Variants in CBR4 observed in about 807,000 individuals in gnomAD.
The protein encoded by CBR4 is 3-oxoacyl-[acyl-carrier-protein] reductase.
Under a neutral mutation model 21.0 loss-of-function variants are expected in CBR4, and 22 were observed. That is an observed-to-expected ratio of 1.05 (90% CI 0.75 to 1.50). The LOEUF is 1.50. Ranked by LOEUF, CBR4 falls within the 40% of genes most tolerant of loss-of-function variation. The probability of loss-of-function intolerance (pLI) is 0.00; values close to 1 mark genes in which losing one functional copy is unlikely to be tolerated. For synonymous variants in CBR4, 100 were observed against 104.4 expected (o/e 0.96, Z 0.26); for missense variants, 302 against 286.3 (o/e 1.05, Z -0.40).
chr4:168,923,933 G>A (rs1351119038), intron 2 of CBR4, among the ~76,000 whole-genome samples: 1 of 152,072 alleles, frequency 6.6e-6, no homozygotes, highest in African/African-American at 2.4e-5. Context: ...ATAATCACTA[G>A]TAGTGAAGCC....
At chr4:168,979,806 A>G (rs1764487678) in intron 2 of CBR4, among the ~76,000 whole-genome samples, 1 of 152,220 alleles carries the variant, frequency 6.6e-6, no homozygotes, top group Non-Finnish European at 1.5e-5. Context: ...GAGCTCCCAC[A>G]GGCAACTGAC....
intron 2 of CBR4, among the ~76,000 whole-genome samples, chr4:168,951,278 C>T (rs1280680911): frequency 7.9e-5 from 12 of 152,096 alleles, no homozygotes; most frequent in Non-Finnish European, 1.2e-4. Context: ...ACAATGGTCT[C>T]GATCTCTTGA....
At chr4:168,942,229 G>A (rs1025868698) in intron 2 of CBR4, among the ~76,000 whole-genome samples, 20 of 151,632 alleles carry the variant, frequency 1.3e-4, no homozygotes, top group African/African-American at 4.6e-4. Flanking sequence ...ACCAGGGCCT[G>A]TTGGGGGGTG....
chr4:168,926,368 G>GA, intron 2 of CBR4: 1 of 1,537,058 alleles, frequency 6.5e-7, no homozygotes, highest in Non-Finnish European at 8.7e-7. Flanking sequence ...TGCCTTGGTA[G>GA]AAAGTGAGGA....
intron 2 of CBR4, among the ~76,000 whole-genome samples, chr4:168,968,172 C>A (rs1405594554): frequency 6.6e-6 from 1 of 152,160 alleles, no homozygotes; most frequent in Non-Finnish European, 1.5e-5. Flanking sequence ...ACCAAACTGC[C>A]CTTTTTTATG....
Position 168,933,232 on chromosome 4 carries a change from A to T in CBR4, n.170-38467T>A, listed in dbSNP as rs530528440. Among the ~76,000 whole-genome samples, 8 of 152,306 alleles carry T rather than the reference A, an allele frequency of 5.3e-5. No individual in the cohort carries two copies. The East Asian group carries it at 5.8e-4, about 11-fold the overall frequency. ...AAAGACGTTGAATGAATGAATGAAT[A>T]AAAAAACCATGCAACTATATGCTGC... is the stretch of plus-strand genomic sequence containing the variant. On this transcript the variant is annotated intron_variant and non_coding_transcript_variant, in intron 2 of 3. Coordinates refer to the CBR4 transcript ENST00000509108.
At chr4:169,006,363 A>C (rs970466508) in intron 3 of CBR4, among the ~76,000 whole-genome samples, 5 of 152,142 alleles carry the variant, frequency 3.3e-5, no homozygotes, top group Non-Finnish European at 7.3e-5. Context: ...TTCACATAAA[A>C]ATCAGAATGA....
chr4:168,968,340 A>G (rs1017775327), intron 2 of CBR4, among the ~76,000 whole-genome samples: 2 of 152,246 alleles, frequency 1.3e-5, no homozygotes, highest in Non-Finnish European at 1.5e-5. Flanking sequence ...TATCATCAGT[A>G]GAGTGGATCA....
Position 168,988,517 on chromosome 4 carries a change from G to C in CBR4, c.*1633C>G. 1.0e-6 allele frequency: 1 copy of C among 985,342 alleles called. No individual in the cohort carries two copies. The highest frequency in any genetic ancestry group is 1.2e-6 in the Non-Finnish European group (1 of 829,914). 61.0% of individuals were successfully genotyped at this position (985,342 alleles called of 1,614,324 possible). A position where few individuals can be genotyped will look rare whatever the true frequency, so the allele number is the denominator to read the frequency against. ...TACAGGTAGCCAAAGGCCAGCAATT[G>C]AGACAGCATTAGAGAAACTATCTAC... On this transcript the variant is annotated 3_prime_UTR_variant, in exon 5 of 5. Coordinates refer to ENST00000306193, the MANE Select transcript of CBR4 (RefSeq NM_032783.5).
chr4:168,949,175 T>C (rs1763473433), intron 2 of CBR4, among the ~76,000 whole-genome samples: 1 of 152,202 alleles, frequency 6.6e-6, no homozygotes, highest in Non-Finnish European at 1.5e-5. Context: ...TTGGTTGTTT[T>C]TGGTGTGTAG....
downstream of CBR4, among the ~76,000 whole-genome samples, chr4:168,985,422 C>T (rs749618218): frequency 3.3e-5 from 5 of 152,218 alleles, no homozygotes; most frequent in East Asian, 1.9e-4. Flanking sequence ...GAAAAGAGAA[C>T]GTTTATACAC....
At chr4:169,009,722 C>A (rs1731234609) in intron 1 of CBR4, among the ~76,000 whole-genome samples, 1 of 152,258 alleles carries the variant, frequency 6.6e-6, no homozygotes, top group Non-Finnish European at 1.5e-5. Context: ...CCCAAGTGTT[C>A]AGCCCTCGGC....
chr4:168,990,640 T>TCAAACTTCTGGACTCAAGGGATCGGCCCA (rs1764873263), intron 4 of CBR4, among the ~76,000 whole-genome samples: 2 of 151,978 alleles, frequency 1.3e-5, no homozygotes, highest in Non-Finnish European at 2.9e-5. Context: ...CAGGCTGATC[T>TCAAACTTCTGGACTCAAGGGATCGGCCCA]CAAACTTCTG....
At chr4:168,911,813 G>T (rs1759017597) in intron 2 of CBR4, among the ~76,000 whole-genome samples, 1 of 152,108 alleles carries the variant, frequency 6.6e-6, no homozygotes. Context: ...ATGTCTCCTT[G>T]GAAATTTTCA....
intron 2 of CBR4, among the ~76,000 whole-genome samples, chr4:168,973,880 T>G (rs1002788379): frequency 3.3e-5 from 5 of 152,218 alleles, no homozygotes; most frequent in African/African-American, 1.2e-4. Context: ...TCTGCCATTC[T>G]GTATCTTTTA....
intron 2 of CBR4, chr4:168,898,290 A>C (rs879822722): frequency 1.7e-6 from 1 of 600,868 alleles, no homozygotes. Context: ...GGATGATAGG[A>C]CTTGAAGACA....
intron 2 of CBR4, among the ~76,000 whole-genome samples, chr4:168,909,819 T>C (rs995068530): frequency 6.6e-6 from 1 of 152,198 alleles, no homozygotes; most frequent in Admixed American, 6.6e-5. Flanking sequence ...TTTTCTATTA[T>C]GCACATGGAA....
intron 2 of CBR4, among the ~76,000 whole-genome samples, chr4:168,944,168 A>G (rs928727729): frequency 2.6e-5 from 4 of 151,812 alleles, no homozygotes; most frequent in African/African-American, 9.7e-5. Context: ...TTTTTACCTG[A>G]GTGTAGTGGT....
chr4:168,926,624 A>G (rs917341253), intron 2 of CBR4: 1 of 422,520 alleles, frequency 2.4e-6, no homozygotes, highest in Non-Finnish European at 4.2e-6. Context: ...AAACTTTGGA[A>G]TTGCTGTGAT....
Sources: gnomAD v4.1 joint callset for allele counts (sites outside exome capture counted in the v4.1 genomes callset) on GRCh38, gnomAD v4.1.1 for gene constraint, MANE v1.5 for transcripts, NCBI Gene and HGNC (gene_info 2026-07-23, HGNC 2026-07-21) for gene names.